KDM5B: variants seen among roughly 807,000 people sequenced by gnomAD.
KDM5B encodes the protein lysine demethylase 5B.
KDM5B carries 144 observed loss-of-function variants against 193.4 expected under a neutral mutation model. The observed-to-expected ratio is 0.74, with a 90% CI of 0.65 to 0.86. KDM5B has a LOEUF of 0.86. Ranked by LOEUF, KDM5B falls within the 40% of genes least tolerant of loss-of-function variation. The probability of loss-of-function intolerance (pLI) is 0.00; values close to 1 mark genes in which losing one functional copy is unlikely to be tolerated. For synonymous variants in KDM5B, 668 were observed against 682.6 expected (o/e 0.98, Z 0.33); for missense variants, 1,833 against 1,886.9 (o/e 0.97, Z 0.53).
intron 14 of KDM5B, chr1:202,746,742 G>A (rs1297442225): frequency 6.5e-6 from 1 of 154,376 alleles, no homozygotes; most frequent in African/African-American, 2.4e-5. Flanking sequence ...AAAAATAAAA[G>A]GAAAGAAGAT....
chr1:202,738,207 A>T (rs956241063), intron 20 of KDM5B, among the ~76,000 whole-genome samples: 1 of 152,238 alleles, frequency 6.6e-6, no homozygotes, highest in Non-Finnish European at 1.5e-5. Flanking sequence ...GCACTGTTAC[A>T]AACATAGTAA....
chr1:202,765,461 C>G (rs1246820552), intron 5 of KDM5B, among the ~76,000 whole-genome samples: 2 of 152,114 alleles, frequency 1.3e-5, no homozygotes, highest in African/African-American at 2.4e-5. Flanking sequence ...AGAGTTTATT[C>G]CATGGGCAAT....
chr1:202,798,291 G>A (rs1572782108), intron 1 of KDM5B, among the ~76,000 whole-genome samples: 1 of 146,464 alleles, frequency 6.8e-6, no homozygotes, highest in Non-Finnish European at 1.5e-5. Flanking sequence ...TTGTTCGATT[G>A]GTTTTTGTCT....
intron 1 of KDM5B, among the ~76,000 whole-genome samples, chr1:202,798,464 T>G (rs1397374051): frequency 2.0e-5 from 3 of 150,750 alleles, no homozygotes; most frequent in African/African-American, 7.5e-5. Context: ...GGTTTTTGCC[T>G]TTTTTTGGGG....
intron 23 of KDM5B, chr1:202,732,185 A>G (rs1022059477): frequency 1.1e-5 from 5 of 444,030 alleles, no homozygotes; most frequent in African/African-American, 2.1e-5. Context: ...AGATGTAAAG[A>G]AGGCCACTGG....
chr1:202,747,817 A>G (rs749057071), intron 14 of KDM5B, among the ~76,000 whole-genome samples: 7 of 152,162 alleles, frequency 4.6e-5, no homozygotes, highest in Non-Finnish European at 7.4e-5. Context: ...GGAAGACTCA[A>G]TATTATTAAG....
Position 202,760,446 on chromosome 1 carries a change from C to T in KDM5B, c.1046G>A (p.Gly349Glu). The T allele has an allele frequency of 6.2e-7, 1 of 1,612,922 alleles. No homozygotes were observed. The highest frequency in any genetic ancestry group is 8.5e-7 in the Non-Finnish European group (1 of 1,179,462). The change falls in exon 8 of 27, where the codon GGA becomes GAA. Residue 349 changes from glycine to glutamate, a missense_variant. Physicochemically the swap from Gly to Glu is moderately conservative, Grantham distance 98 (BLOSUM62 -2). This residue lies in a region of KDM5B where 99 missense variants were observed against 162.4 expected (regional missense o/e 0.61). Coordinates refer to ENST00000367265, the MANE Select transcript of KDM5B (RefSeq NM_006618.5). ...LIPPLHDVPKGDWRCPKCLAQ... is the reference protein window; with the variant it reads ...LIPPLHDVPKEDWRCPKCLAQ... Reference sequence around the variant, plus strand: ...CAAACACTTAGGACACCTCCAGTCTCCCTTGGGAACATCATGGAGAGGTGG... The same window carrying T: ...CAAACACTTAGGACACCTCCAGTCTTCCTTGGGAACATCATGGAGAGGTGG...
Position 202,774,721 on chromosome 1 carries a change from TAC to T in KDM5B, c.295_296del (p.Val99LysfsTer35), listed in dbSNP as rs753597939. ...RLNELEAQTR[V>X]KLNFLDQIAK... ...CAATCTGGTCCAAGAAATTCAATTT[TAC>T]ACGAGTTTGGGCCTAAAAGACAAAG... On this transcript the variant is annotated frameshift_variant, in exon 3 of 27. Transcript: ENST00000367265. LOFTEE classifies it high-confidence loss of function. The T allele has an allele frequency of 6.2e-7, 1 of 1,613,598 alleles. No homozygotes were observed. Among genetic ancestry groups the T allele is most frequent in the Non-Finnish European group, 8.5e-7 (1 of 1,179,670 alleles).
intron 5 of KDM5B, among the ~76,000 whole-genome samples, chr1:202,764,498 G>T (rs1040193678): frequency 2.0e-5 from 3 of 152,038 alleles, no homozygotes; most frequent in Non-Finnish European, 4.4e-5. Context: ...AGCCGGGCAT[G>T]GTGGCACGCA....
chr1:202,774,655 T>C lies in KDM5B; in HGVS notation c.363A>G (p.Pro121=). Residue 121 remains proline (P), a synonymous_variant, in exon 3 of 27, where the codon CCA becomes CCG. Transcript: ENST00000367265. ...WELQGSTLKI[P]HVERKILDLF... ...AGTCCAAGATCTTCCTCTCCACATGTGGAATTTTCAGAGTACTTCCCTGTA... is the reference window on the plus strand; with the variant it reads ...AGTCCAAGATCTTCCTCTCCACATGCGGAATTTTCAGAGTACTTCCCTGTA... 6.2e-7 allele frequency: 1 copy of C among 1,612,896 alleles called. No individual in the cohort carries two copies. The highest frequency in any genetic ancestry group is 1.1e-5 in the South Asian group (1 of 91,056).
Position 202,727,307 on chromosome 1 carries a change from T to G in KDM5B, c.*1729A>C, listed in dbSNP as rs750045818. 4 of 152,212 alleles carry G rather than the reference T, an allele frequency of 2.6e-5. No individual in the cohort carries two copies. The highest frequency in any genetic ancestry group is 5.9e-5 in the Non-Finnish European group (4 of 68,030). The allele number at this position is 152,212 out of a possible 1,614,324, so 9.4% of individuals were successfully genotyped here. On this transcript the variant is annotated 3_prime_UTR_variant, in exon 27 of 27. Transcript: ENST00000367265. The stretch of plus-strand genomic sequence containing the variant: ...AGGCCAAACCACGATGATTCCAAAT[T>G]GTACTCTGGAGACTATTCTTCTCTA...
chr1:202,740,640 C>T, intron 20 of KDM5B, 34 bp downstream of exon 20: 1 of 1,587,540 alleles, frequency 6.3e-7, no homozygotes, highest in Non-Finnish European at 8.6e-7. Context: ...TATGGATGCA[C>T]TTACACATTC....
intron 1 of KDM5B, among the ~76,000 whole-genome samples, chr1:202,801,992 G>A (rs1260069208): frequency 7.1e-6 from 1 of 140,888 alleles, no homozygotes; most frequent in East Asian, 2.0e-4. Context: ...TTTTTTTTTT[G>A]AGGCTGCCAA....
chr1:202,773,202 G>A lies in KDM5B; in HGVS notation c.492C>T (p.Gly164=), dbSNP rs754449116. ...KIATKMGFAP[G]KAVGSHIRGH... is the part of the protein sequence containing the mutation. ...CTCTGATATGTGAGCCCACTGCTTT[G>A]CCAGGAGCAAACCCCATCTTGGTAG... The change falls in exon 4 of 27, where the codon GGC becomes GGT. Residue 164 remains glycine (G), a synonymous_variant. Coordinates refer to ENST00000367265, the MANE Select transcript of KDM5B (RefSeq NM_006618.5). The A allele has an allele frequency of 1.2e-5, 19 of 1,613,592 alleles. No homozygotes were observed. In the Admixed American group the frequency reaches 2.7e-4, roughly 23 times the overall value.
At chr1:202,753,165 G>T (rs139272281) in intron 11 of KDM5B, 98 bp from the exon 12 acceptor site, 5 of 1,014,800 alleles carry the variant, frequency 4.9e-6, no homozygotes, top group Admixed American at 2.4e-5. Context: ...GTAAGACTAC[G>T]CAAAAAAGGA....
In KDM5B at chr1:202,748,933, C is replaced by T. The variant is rs1384192445; in HGVS notation, c.2016+12G>A. 1.9e-6 allele frequency: 3 copies of T among 1,601,032 alleles called. No individual in the cohort carries two copies. Among genetic ancestry groups the T allele is most frequent in the Non-Finnish European group, 2.6e-6 (3 of 1,173,246 alleles). ...CAATGACAACATGCAGTTGGATTTC[C>T]ATAAGCCTTACCAATTTACGGACAG... is the stretch of plus-strand genomic sequence containing the variant. On this transcript the variant is annotated intron_variant, in intron 14 of 26. Transcript: ENST00000367265.
chr1:202,756,445 C>T lies in KDM5B; in HGVS notation c.1269G>A (p.Val423=), dbSNP rs1656015641. The change falls in exon 10 of 27, where the codon GTG becomes GTA. Residue 423 remains valine, a synonymous_variant. Coordinates refer to ENST00000367265, the MANE Select transcript of KDM5B (RefSeq NM_006618.5). ...LVSTIEEDVT[V]EYGADIASKE... Reference sequence around the variant, plus strand: ...TTGAGGCAATGTCAGCTCCATATTCCACTGTGACATCCTCCTCAATAGTGC... The same window carrying T: ...TTGAGGCAATGTCAGCTCCATATTCTACTGTGACATCCTCCTCAATAGTGC... The T allele has an allele frequency of 1.2e-6, 2 of 1,613,424 alleles. No individual in the cohort carries two copies. The highest frequency in any genetic ancestry group is 1.3e-5 in the African/African-American group (1 of 75,014).
At chr1:202,754,642 TA>T (rs1655937559) in intron 11 of KDM5B, among the ~76,000 whole-genome samples, 1 of 152,248 alleles carries the variant, frequency 6.6e-6, no homozygotes, top group Admixed American at 6.5e-5. Context: ...TTTTCTATAG[TA>T]AAAGTAACTT....
chr1:202,735,296 A>C, intron 22 of KDM5B, 133 bp downstream of exon 22: 1 of 958,750 alleles, frequency 1.0e-6, no homozygotes, highest in Non-Finnish European at 1.5e-6. Context: ...GACAATTTTC[A>C]AAAAGTCTTT....
Sources: gnomAD v4.1 joint callset for allele counts (sites outside exome capture counted in the v4.1 genomes callset) on GRCh38, gnomAD v4.1.1 for gene constraint, gnomAD v4.1.1 regional missense constraint, MANE v1.5 for transcripts, NCBI Gene and HGNC (gene_info 2026-07-23, HGNC 2026-07-21) for gene names.